The following DPYD variants were observed in gnomAD, a reference collection of about 807,000 sequenced individuals.
The protein encoded by DPYD is dihydropyrimidine dehydrogenase.
A neutral mutation model predicts 116.2 loss-of-function variants in DPYD; 109 were observed. That is an observed-to-expected ratio of 0.94 (90% CI 0.80 to 1.10). The LOEUF (loss-of-function observed/expected upper bound fraction) is 1.10, where lower values mean the gene tolerates loss of function less well. Among genes scored for constraint, DPYD ranks in the 50% least tolerant of loss-of-function variants. The pLI, the probability that DPYD is intolerant of heterozygous loss-of-function variation, is 0.00. For missense variants in DPYD, 1,302 were observed against 1,254.5 expected (o/e 1.04, Z -0.57); for synonymous variants, 440 against 432.0 (o/e 1.02, Z -0.23).
intron 4 of DPYD, among the ~76,000 whole-genome samples, chr1:97,734,690 T>C (rs916967895): frequency 3.9e-5 from 6 of 152,202 alleles, no homozygotes; most frequent in Non-Finnish European, 5.9e-5. Context: ...TGAATAGGCA[T>C]GTCCAAGGAC....
chr1:97,688,932 T>C (rs533117561), intron 7 of DPYD, among the ~76,000 whole-genome samples: 242 of 151,942 alleles, frequency 1.6e-3, no homozygotes, highest in Non-Finnish European at 2.5e-3. Context: ...CAAAGGGGAA[T>C]TGAAAAATTT....
intron 13 of DPYD, among the ~76,000 whole-genome samples, chr1:97,475,299 T>C (rs1472449628): frequency 1.3e-5 from 2 of 152,166 alleles, no homozygotes; most frequent in Non-Finnish European, 2.9e-5. Flanking sequence ...AAACTCTAGA[T>C]ATATTAAAAA....
chr1:97,207,409 A>T (rs1237891670), intron 19 of DPYD, among the ~76,000 whole-genome samples: 1 of 152,114 alleles, frequency 6.6e-6, no homozygotes, highest in Non-Finnish European at 1.5e-5. Flanking sequence ...CTACTTCTTC[A>T]GCATTTTTCT....
intron 8 of DPYD, among the ~76,000 whole-genome samples, chr1:97,657,571 T>C (rs1410145025): frequency 6.6e-6 from 1 of 152,148 alleles, no homozygotes; most frequent in African/African-American, 2.4e-5. Context: ...TCTCTTGCCA[T>C]TACTGACTAA....
At chr1:97,726,167 C>T (rs1389007170) in intron 4 of DPYD, among the ~76,000 whole-genome samples, 2 of 151,502 alleles carry the variant, frequency 1.3e-5, no homozygotes, top group Non-Finnish European at 3.0e-5. Flanking sequence ...TGCATCTCTA[C>T]TTGACACAAA....
At chr1:97,881,369 G>A (rs140819252) in intron 2 of DPYD, among the ~76,000 whole-genome samples, 9 of 151,980 alleles carry the variant, frequency 5.9e-5, no homozygotes, top group African/African-American at 2.2e-4. Flanking sequence ...CTAACCTCCA[G>A]AACTGTGAGA....
intron 8 of DPYD, among the ~76,000 whole-genome samples, chr1:97,661,990 CTTTTTTTTTT>C (rs374466952): frequency 8.6e-6 from 1 of 116,634 alleles, no homozygotes; most frequent in Non-Finnish European, 1.8e-5. Context: ...TCCAAGTCAA[CTTTTTTTTTT>C]TTTTTTTTTT....
chr1:97,608,987 T>C (rs1394583795), intron 8 of DPYD, among the ~76,000 whole-genome samples: 2 of 151,908 alleles, frequency 1.3e-5, no homozygotes, highest in African/African-American at 2.4e-5. Context: ...ACTCTAATGA[T>C]AGTATAGAGA....
At chr1:97,182,997 C>T (rs1657747243) in intron 20 of DPYD, among the ~76,000 whole-genome samples, 1 of 152,028 alleles carries the variant, frequency 6.6e-6, no homozygotes, top group African/African-American at 2.4e-5. Context: ...TTTTTATTTT[C>T]TTAATTGTAT....
At chr1:97,484,771 G>C (rs188013163) in intron 13 of DPYD, among the ~76,000 whole-genome samples, 1 of 152,244 alleles carries the variant, frequency 6.6e-6, no homozygotes, top group East Asian at 1.9e-4. Context: ...TACTGTCACA[G>C]TTTTAACTTC....
At chr1:97,915,469 A>C (rs1442086432) in intron 1 of DPYD, among the ~76,000 whole-genome samples, 1 of 152,112 alleles carries the variant, frequency 6.6e-6, no homozygotes, top group African/African-American at 2.4e-5. Flanking sequence ...ATAATTATAA[A>C]CCACAGGAAA....
chr1:97,246,098 A>C (rs1662699188), intron 18 of DPYD, among the ~76,000 whole-genome samples: 1 of 152,112 alleles, frequency 6.6e-6, no homozygotes. Context: ...CTCTGAATCA[A>C]TGCTCACTCT....
chr1:97,096,343 T>C (rs549278229), intron 21 of DPYD, among the ~76,000 whole-genome samples: 15 of 152,282 alleles, frequency 9.9e-5, no homozygotes, highest in African/African-American at 3.6e-4. Context: ...TTCATAATCA[T>C]ATTGCACTTC....
chr1:97,398,110 C>A (rs1488939879), intron 14 of DPYD, among the ~76,000 whole-genome samples: 2 of 152,078 alleles, frequency 1.3e-5, no homozygotes, highest in African/African-American at 2.4e-5. Flanking sequence ...CCCAACCCCA[C>A]AACAGGCCCC....
intron 16 of DPYD, among the ~76,000 whole-genome samples, chr1:97,353,993 C>T (rs1670283891): frequency 6.6e-6 from 1 of 152,156 alleles, no homozygotes; most frequent in Non-Finnish European, 1.5e-5. Context: ...GCCGTGTGAC[C>T]CTGCCATGTT....
chr1:97,191,940 T>C (rs545520561), intron 20 of DPYD, among the ~76,000 whole-genome samples: 1 of 152,324 alleles, frequency 6.6e-6, no homozygotes, highest in African/African-American at 2.4e-5. Flanking sequence ...GGCATTATCT[T>C]GCTAATTACA....
At chr1:97,549,805 A>G in intron 11 of DPYD, 61 bp from the exon 12 acceptor site, 1 of 1,413,766 alleles carries the variant, frequency 7.1e-7, no homozygotes, top group Non-Finnish European at 9.7e-7. Flanking sequence ...CCATAACAAT[A>G]ATTTTAAAAT....
At chr1:97,165,999 TTGTGGAAAGCAA>T (rs898508186) in intron 20 of DPYD, among the ~76,000 whole-genome samples, 2 of 152,098 alleles carry the variant, frequency 1.3e-5, no homozygotes, top group African/African-American at 4.8e-5. Flanking sequence ...AGTTTAACCA[TTGTGGAAAGCAA>T]TGTGGAAATT....
Position 97,841,549 on chromosome 1 carries a change from T to C in DPYD, c.151-13353A>G, listed in dbSNP as rs542686715. Among the ~76,000 whole-genome samples the C allele has an allele frequency of 3.9e-5, 6 of 152,180 alleles. No individual in the cohort carries two copies. In the East Asian group the frequency reaches 5.8e-4, roughly 15 times the overall value. On this transcript the variant is annotated intron_variant, in intron 2 of 22. Coordinates refer to ENST00000370192, the MANE Select transcript of DPYD (RefSeq NM_000110.4). ...GAAACTGATGGCATCTCTCCCCACA[T>C]GACTGTATGCAATCTTCAATGCTAT...
Sources: allele counts gnomAD v4.1 joint callset (sites outside exome capture counted in the v4.1 genomes callset), GRCh38; gene constraint gnomAD v4.1.1; transcripts MANE v1.5; gene names NCBI Gene and HGNC (gene_info 2026-07-23, HGNC 2026-07-21).